Variants in TPCN2 observed in about 807,000 individuals in gnomAD.
The protein encoded by TPCN2 is two pore segment channel 2.
Under a neutral mutation model 111.4 loss-of-function variants are expected in TPCN2, and 92 were observed. The ratio of observed to expected loss-of-function variants is 0.83; its 90% confidence interval spans 0.70 to 0.98. The LOEUF is 0.98. Among genes scored for constraint, TPCN2 ranks in the 50% least tolerant of loss-of-function variants. TPCN2 has a pLI of 0.00. For synonymous variants in TPCN2, 405 were observed against 414.5 expected, an observed-to-expected ratio of 0.98 and a Z score of 0.28; for missense variants, 995 against 980.1, an observed-to-expected ratio of 1.02 and a Z score of -0.20.
At chr11:69,087,775 C>A (rs1856343163) in intron 24 of TPCN2, 100 bp from the exon 25 acceptor site, 2 of 894,484 alleles carry the variant, frequency 2.2e-6, no homozygotes, top group South Asian at 1.6e-5. Context: ...GTGACACTCA[C>A]TTCGCATGTG....
rs1034739461 is a variant in TPCN2 at position 69,072,490 on chromosome 11, G to T, written c.1062-137G>T. ...GCAGTGGCAGGATGCTCGTTACAGGGGCTCTTGGTGTGGCTCAAGCTGCAA... is the reference window on the plus strand; with the variant it reads ...GCAGTGGCAGGATGCTCGTTACAGGTGCTCTTGGTGTGGCTCAAGCTGCAA... On this transcript the variant is annotated intron_variant, in intron 11 of 24. Transcript: ENST00000294309. The T allele has an allele frequency of 3.7e-5, 28 of 756,760 alleles. No homozygotes were observed. In the African/African-American group the frequency reaches 4.4e-4, roughly 12 times the overall value. The allele number at this position is 756,760 out of a possible 1,614,324, so 46.9% of individuals were successfully genotyped here.
intron 4 of TPCN2, among the ~76,000 whole-genome samples, chr11:69,056,197 G>A (rs1369829642): frequency 6.6e-6 from 1 of 152,236 alleles, no homozygotes; most frequent in African/African-American, 2.4e-5. Context: ...CAGCCCTGCC[G>A]CTCCTTGGCT....
chr11:69,071,548 C>G (rs1316037556), intron 10 of TPCN2, 128 bp downstream of exon 10: 1 of 809,380 alleles, frequency 1.2e-6, no homozygotes, highest in Non-Finnish European at 2.0e-6. Context: ...GCAGGGTTGC[C>G]ACCTCTTGTG....
At position 69,057,587 on chromosome 11, in the gene TPCN2, T is replaced by G. The variant is rs1467004713; in HGVS notation, c.439T>G (p.Phe147Val). The change falls in exon 5 of 25, where the codon TTC becomes GTC. Residue 147 changes from phenylalanine (F) to valine (V), a missense_variant. Physicochemically the swap from Phe to Val is conservative, Grantham distance 50. Transcript: ENST00000294309. ...AADLSVKGYLFGWAHFQKNLW... is the reference protein window; with the variant it reads ...AADLSVKGYLVGWAHFQKNLW... ...CCCGTCTATCTTGCAGGGTTACCTGTTCGGGTGGGCCCATTTCCAGAAAAA... is the reference window on the plus strand; with the variant it reads ...CCCGTCTATCTTGCAGGGTTACCTGGTCGGGTGGGCCCATTTCCAGAAAAA... 6.2e-7 allele frequency: 1 copy of G among 1,614,166 alleles called. No individual in the cohort carries two copies. The highest frequency in any genetic ancestry group is 2.2e-5 in the East Asian group (1 of 44,888).
chr11:69,079,103 C>T lies in TPCN2; in HGVS notation c.1539+83C>T, dbSNP rs1044499372. 7 of 1,490,428 alleles carry T rather than the reference C, an allele frequency of 4.7e-6. No homozygotes were observed. The African/African-American group carries it at 7.0e-5, about 15-fold the overall frequency. The allele number at this position is 1,490,428 out of a possible 1,614,324, so 92.3% of individuals were successfully genotyped here. On this transcript the variant is annotated intron_variant, in intron 16 of 24. Transcript: ENST00000294309. The stretch of plus-strand genomic sequence containing the variant: ...GGCTCTGTGCTGGCCCATCTCAGGC[C>T]TCCCCTGAGGACTAGAGGCTGTAGG...
chr11:69,075,955 T>C (rs115603269), intron 13 of TPCN2, among the ~76,000 whole-genome samples: 1,925 of 152,336 alleles, frequency 0.013, 43 homozygotes, highest in African/African-American at 0.044. Flanking sequence ...AGCTAACATA[T>C]GAACACCTTC....
chr11:69,069,929 G>A (rs1855445416), intron 8 of TPCN2, among the ~76,000 whole-genome samples: 1 of 152,154 alleles, frequency 6.6e-6, no homozygotes, highest in Non-Finnish European at 1.5e-5. Context: ...GGGTGTGCGA[G>A]CAGAGGCAAG....
intron 2 of TPCN2, chr11:69,054,432 G>A (rs1261171363): frequency 1.1e-5 from 6 of 560,438 alleles, no homozygotes; most frequent in East Asian, 8.8e-5. Context: ...AGAGAGCCTC[G>A]CAGGCAGACA....
In TPCN2 at chr11:69,055,283, G is replaced by A. The variant is rs562272031; in HGVS notation, c.360G>A (p.Pro120=). ...DVRYRAAPWE[P]PCGLTESVEV... ...GCTACCGCGCTGCTCCCTGGGAGCC[G>A]CCCTGCGGCCTGACCGAGAGTGTCG... Residue 120 remains proline, a synonymous_variant, in exon 4 of 25, where the codon CCG becomes CCA. Coordinates refer to ENST00000294309, the MANE Select transcript of TPCN2 (RefSeq NM_139075.4). 2.0e-5 allele frequency: 32 copies of A among 1,613,884 alleles called. No individual in the cohort carries two copies. Among genetic ancestry groups the A allele is most frequent in the Middle Eastern group, 1.6e-4 (1 of 6,062 alleles).
intron 13 of TPCN2, among the ~76,000 whole-genome samples, chr11:69,077,974 A>G (rs4930262): frequency 0.87 from 133,092 of 152,206 alleles, 59,699 homozygotes; most frequent in Non-Finnish European, 0.99. Flanking sequence ...TTGCACACAC[A>G]GACGTGTCTC....
chr11:69,081,411 TG>T lies in TPCN2; in HGVS notation c.1603del (p.Val535TrpfsTer9). On this transcript the variant is annotated frameshift_variant, in exon 18 of 25. Transcript: ENST00000294309. LOFTEE classifies it high-confidence loss of function. Reference sequence around the variant, plus strand: ...GTGTCTCTCCCCAGGAGGCCGGAGATGGTGGGCCTGCTGTCGCTGTGGGACA... The same window carrying T: ...GTGTCTCTCCCCAGGAGGCCGGAGATGTGGGCCTGCTGTCGCTGTGGGACA... The part of the protein sequence containing the change: ...RLPHPGWRPE[M>X]VGLLSLWDMT... The T allele has an allele frequency of 6.4e-7, 1 of 1,554,988 alleles. No homozygotes were observed. The highest frequency in any genetic ancestry group is 8.7e-7 in the Non-Finnish European group (1 of 1,150,362).
intron 6 of TPCN2, 53 bp from the exon 7 acceptor site, chr11:69,063,842 T>G (rs904477726): frequency 2.9e-5 from 45 of 1,559,442 alleles, no homozygotes; most frequent in East Asian, 4.5e-5. Flanking sequence ...GCAGGTCAGG[T>G]GTCCCTGCCT....
chr11:69,053,940 C>T, intron 1 of TPCN2, 93 bp from the exon 2 acceptor site: 1 of 1,134,652 alleles, frequency 8.8e-7, no homozygotes. Context: ...TTGGGAAGAA[C>T]CACAGCCGGC....
chr11:69,085,291 G>C lies in TPCN2; in HGVS notation c.1838+5G>C. The C allele has an allele frequency of 6.2e-7, 1 of 1,613,964 alleles. No homozygotes were observed. Among genetic ancestry groups the C allele is most frequent in the Non-Finnish European group, 8.5e-7 (1 of 1,179,902 alleles). ...GGCTCTTCCTGGAAACAGCAGGTGA[G>C]GTGGGGTCCGAGGTGCCACAGGGAG... On this transcript the variant is annotated splice_donor_5th_base_variant and intron_variant, in intron 20 of 24. Transcript: ENST00000294309.
intron 5 of TPCN2, among the ~76,000 whole-genome samples, chr11:69,059,376 A>T (rs996989786): frequency 6.6e-6 from 1 of 152,216 alleles, no homozygotes; most frequent in East Asian, 1.9e-4. Flanking sequence ...TTGGGAGTGG[A>T]TATTTCCAGA....
chr11:69,085,240 A>G lies in TPCN2; in HGVS notation c.1792A>G (p.Ile598Val). The G allele has an allele frequency of 5.6e-6, 9 of 1,613,500 alleles. No individual in the cohort carries two copies. Among genetic ancestry groups the G allele is most frequent in the Non-Finnish European group, 7.6e-6 (9 of 1,179,854 alleles). ...VVYYVFAIIG[I>V]NLFRGVIVAL... is the part of the protein sequence containing the mutation. ...CTACTACGTATTTGCCATCATTGGG[A>G]TCAACTTGTTTAGAGGCGTCATTGT... Residue 598 changes from isoleucine to valine, a missense_variant, in exon 20 of 25, where the codon ATC (isoleucine) becomes GTC (valine). Coordinates refer to ENST00000294309, the MANE Select transcript of TPCN2 (RefSeq NM_139075.4).
At chr11:69,086,660 C>CT in intron 23 of TPCN2, 56 bp downstream of exon 23, 1 of 1,543,794 alleles carries the variant, frequency 6.5e-7, no homozygotes, top group South Asian at 1.1e-5. Flanking sequence ...CTAATTCACT[C>CT]TCGATGGGCC....
chr11:69,067,424 C>A, intron 7 of TPCN2, 79 bp from the exon 8 acceptor site: 1 of 1,342,954 alleles, frequency 7.4e-7, no homozygotes, highest in Non-Finnish European at 1.1e-6. Context: ...TGGTTCCAGC[C>A]GGTTGGGTCC....
At chr11:69,069,234 C>T (rs1404714331) in intron 8 of TPCN2, among the ~76,000 whole-genome samples, 53 of 119,006 alleles carry the variant, frequency 4.5e-4, no homozygotes, top group African/African-American at 1.7e-3. Flanking sequence ...AGGAAGTGAC[C>T]GCAGTGGGAG....
Sources: allele counts gnomAD v4.1 joint callset (sites outside exome capture counted in the v4.1 genomes callset), GRCh38; gene constraint gnomAD v4.1.1; transcripts MANE v1.5; gene names NCBI Gene and HGNC (gene_info 2026-07-23, HGNC 2026-07-21).